The following SNX7 variants were observed in gnomAD, a reference collection of about 807,000 sequenced individuals.
SNX7 encodes the protein sorting nexin 7.
A neutral mutation model predicts 48.4 loss-of-function variants in SNX7; 35 were observed. That is an observed-to-expected ratio of 0.72 (90% CI 0.55 to 0.96). The LOEUF is 0.96. SNX7 is among the 40% of genes least tolerant of loss of function. The pLI, the probability that SNX7 is intolerant of heterozygous loss-of-function variation, is 0.00. For synonymous variants in SNX7, 190 were observed against 190.2 expected (o/e 1.00, Z 0.01); for missense variants, 553 against 548.9 (o/e 1.01, Z -0.07).
intron 7 of SNX7, among the ~76,000 whole-genome samples, chr1:98,709,492 T>A (rs1652187544): frequency 6.6e-6 from 1 of 152,206 alleles, no homozygotes; most frequent in South Asian, 2.1e-4. Flanking sequence ...TTATTTTAAC[T>A]CAACTCACTC....
chr1:98,748,175 G>A (rs1161969345), intron 8 of SNX7, among the ~76,000 whole-genome samples: 2 of 151,784 alleles, frequency 1.3e-5, no homozygotes, highest in African/African-American at 4.8e-5. Context: ...TAGTGGAGAC[G>A]AGGGTTCACC....
chr1:98,707,007 TG>T (rs1441544314), intron 7 of SNX7, among the ~76,000 whole-genome samples: 4 of 152,166 alleles, frequency 2.6e-5, no homozygotes, highest in Non-Finnish European at 5.9e-5. Flanking sequence ...GCTGAAGATA[TG>T]TATTTGGAAA....
intron 2 of SNX7, 49 bp downstream of exon 2, chr1:98,685,116 C>A: frequency 8.6e-7 from 1 of 1,169,452 alleles, no homozygotes; most frequent in Non-Finnish European, 1.2e-6. Context: ...TTTTTTTAAG[C>A]TTTGGAAGTA....
chr1:98,683,505 C>CATG (rs1247756391), intron 1 of SNX7, among the ~76,000 whole-genome samples: 3 of 152,024 alleles, frequency 2.0e-5, no homozygotes, highest in Non-Finnish European at 4.4e-5. Flanking sequence ...GTGATTAGAT[C>CATG]ATGAGCGTGG....
intron 1 of SNX7, among the ~76,000 whole-genome samples, chr1:98,667,884 T>C (rs1308359814): frequency 6.6e-6 from 1 of 150,650 alleles, no homozygotes; most frequent in East Asian, 1.9e-4. Context: ...CTTGTCTTAG[T>C]GGGCCTTACC....
At chr1:98,742,570 T>G (rs1242567677) in intron 8 of SNX7, among the ~76,000 whole-genome samples, 4 of 152,166 alleles carry the variant, frequency 2.6e-5, no homozygotes, top group African/African-American at 9.7e-5. Flanking sequence ...GAATAGTTTA[T>G]TTTAAAATTA....
At chr1:98,667,138 C>T (rs1010447259) in intron 1 of SNX7, among the ~76,000 whole-genome samples, 1 of 152,158 alleles carries the variant, frequency 6.6e-6, no homozygotes, top group Non-Finnish European at 1.5e-5. Context: ...ACAATAAAAT[C>T]GTTTTATACG....
intron 1 of SNX7, among the ~76,000 whole-genome samples, chr1:98,665,596 T>C (rs898897696): frequency 5.9e-5 from 9 of 152,164 alleles, no homozygotes; most frequent in African/African-American, 1.9e-4. Flanking sequence ...TATTTATTTG[T>C]TTATTTTTTG....
intron 7 of SNX7, among the ~76,000 whole-genome samples, chr1:98,730,979 A>G (rs920458150): frequency 3.1e-4 from 47 of 152,246 alleles, no homozygotes; most frequent in Middle Eastern, 3.4e-3. Context: ...ACAGGGCGGC[A>G]GAGGTGGGGA....
Position 98,760,245 on chromosome 1 carries a change from T to C in SNX7, c.*114T>C. On this transcript the variant is annotated 3_prime_UTR_variant, in exon 9 of 9. Coordinates refer to ENST00000306121, the MANE Select transcript of SNX7 (RefSeq NM_015976.5). The stretch of plus-strand genomic sequence containing the variant: ...GGATGAAAAATGTTTTGTACCCATC[T>C]GGAAAACCAACAACTTGAAATCTCA... The C allele has an allele frequency of 1.3e-6, 1 of 770,140 alleles. No individual in the cohort carries two copies. The highest frequency in any genetic ancestry group is 2.4e-5 in the Admixed American group (1 of 41,064). 47.7% of individuals were successfully genotyped at this position (770,140 alleles called of 1,614,324 possible). A position where few individuals can be genotyped will look rare whatever the true frequency, so the allele number is the denominator to read the frequency against.
chr1:98,716,311 C>T (rs1472985123), intron 7 of SNX7, among the ~76,000 whole-genome samples: 1 of 152,072 alleles, frequency 6.6e-6, no homozygotes, highest in African/African-American at 2.4e-5. Context: ...GCAGTTACTC[C>T]CTACTCTAGG....
At position 98,695,716 on chromosome 1, in the gene SNX7, G is replaced by C. The variant is rs200856157; in HGVS notation, c.838G>C (p.Glu280Gln). The C allele has an allele frequency of 1.3e-6, 2 of 1,538,860 alleles. No homozygotes were observed. Among genetic ancestry groups the C allele is most frequent in the East Asian group, 4.5e-5 (2 of 44,466 alleles). Residue 280 changes from glutamate (E) to glutamine (Q), a missense_variant and splice_region_variant, in exon 5 of 9, where the codon GAA becomes CAA. Physicochemically the swap from Glu to Gln is conservative, Grantham distance 29. Coordinates refer to ENST00000306121, the MANE Select transcript of SNX7 (RefSeq NM_015976.5). ...ISQRIYKEEREYFDEMKEYGP... is the reference protein window; with the variant it reads ...ISQRIYKEERQYFDEMKEYGP... Reference sequence around the variant, plus strand: ...TCAGAGAATTTATAAGGAAGAAAGGGGTAAGTAGAATTACTGAAATGTGAT... The same window carrying C: ...TCAGAGAATTTATAAGGAAGAAAGGCGTAAGTAGAATTACTGAAATGTGAT...
At chr1:98,728,799 A>G (rs914207419) in intron 7 of SNX7, among the ~76,000 whole-genome samples, 11 of 152,148 alleles carry the variant, frequency 7.2e-5, no homozygotes, top group African/African-American at 2.7e-4. Context: ...ATAAAACAAG[A>G]TCTTAGAGAC....
chr1:98,738,611 A>C (rs891759294), intron 8 of SNX7, among the ~76,000 whole-genome samples: 2 of 152,168 alleles, frequency 1.3e-5, no homozygotes, highest in African/African-American at 4.8e-5. Flanking sequence ...ATGCTTTCTA[A>C]TGATTGTCCT....
intron 8 of SNX7, among the ~76,000 whole-genome samples, chr1:98,757,493 C>T (rs1371680087): frequency 6.6e-6 from 1 of 151,850 alleles, no homozygotes; most frequent in African/African-American, 2.4e-5. Flanking sequence ...ATAAGGACAC[C>T]AGTCATATTG....
intron 5 of SNX7, among the ~76,000 whole-genome samples, chr1:98,698,069 T>G (rs1310164505): frequency 1.3e-5 from 2 of 152,290 alleles, no homozygotes; most frequent in African/African-American, 4.8e-5. Flanking sequence ...CTAATTCTAA[T>G]TTAGCTACAA....
At chr1:98,691,026 C>T (rs746967537) in intron 2 of SNX7, 49 bp from the exon 3 acceptor site, 2 of 1,247,868 alleles carry the variant, frequency 1.6e-6, no homozygotes, top group Admixed American at 2.1e-5. Context: ...TAGGCAAATA[C>T]CTTCTATCTT....
chr1:98,692,930 C>T (rs1651226854), intron 4 of SNX7, among the ~76,000 whole-genome samples: 3 of 152,138 alleles, frequency 2.0e-5, no homozygotes, highest in Admixed American at 2.0e-4. Flanking sequence ...TTTGTGGATT[C>T]ATGACATACC....
At chr1:98,717,182 T>A (rs1652637638) in intron 7 of SNX7, among the ~76,000 whole-genome samples, 3 of 152,154 alleles carry the variant, frequency 2.0e-5, no homozygotes, top group African/African-American at 7.2e-5. Context: ...AACTAATTGA[T>A]GATAATAATA....
Sources: allele counts gnomAD v4.1 joint callset (sites outside exome capture counted in the v4.1 genomes callset), GRCh38; gene constraint gnomAD v4.1.1; transcripts MANE v1.5; gene names NCBI Gene and HGNC (gene_info 2026-07-23, HGNC 2026-07-21).